Variants in ORC2 observed in about 807,000 individuals in gnomAD.
The protein encoded by ORC2 is origin recognition complex subunit 2, also known as origin recognition complex protein 2 homolog.
A neutral mutation model predicts 77.7 loss-of-function variants in ORC2; 37 were observed. That is an observed-to-expected ratio of 0.48 (90% CI 0.37 to 0.63). ORC2 has a LOEUF of 0.63. Ranked by LOEUF, ORC2 falls within the 20% of genes least tolerant of loss-of-function variation. The pLI, the probability that ORC2 is intolerant of heterozygous loss-of-function variation, is 0.00. For synonymous variants in ORC2, 201 were observed against 229.5 expected, an observed-to-expected ratio of 0.88 and a Z score of 1.12; for missense variants, 557 against 661.9, an observed-to-expected ratio of 0.84 and a Z score of 1.74.
rs76013696 is a variant in ORC2 at position 200,943,816 on chromosome 2, T to A, written c.329-1039A>T. ...ATTCACTAAGTTTTTTTTTTTTTTTTAATCTTCCCTTGATATTAATTCCTC... is the reference window on the plus strand; with the variant it reads ...ATTCACTAAGTTTTTTTTTTTTTTTAAATCTTCCCTTGATATTAATTCCTC... On this transcript the variant is annotated intron_variant, in intron 5 of 17. Coordinates refer to ENST00000234296, the MANE Select transcript of ORC2 (RefSeq NM_006190.5). Among the ~76,000 whole-genome samples the A allele has an allele frequency of 9.3e-4, 141 of 150,934 alleles. 1 individual carries two copies. Among genetic ancestry groups the A allele is most frequent in the Admixed American group, 6.6e-4 (10 of 15,222 alleles).
chr2:200,949,694 A>AC, intron 4 of ORC2, 51 bp from the exon 5 acceptor site: 1 of 1,119,078 alleles, frequency 8.9e-7, no homozygotes, highest in African/African-American at 1.6e-5. Context: ...CAAAATTAAC[A>AC]GAAAAAAATT....
chr2:200,931,669 T>G (rs575192415), intron 10 of ORC2, among the ~76,000 whole-genome samples: 1 of 152,328 alleles, frequency 6.6e-6, no homozygotes, highest in South Asian at 2.1e-4. Flanking sequence ...GTAATAACAG[T>G]AAAGAATTTG....
rs546412683 is a variant in ORC2, at chr2:200,949,117, T to C, written c.328+437A>G. On this transcript the variant is annotated intron_variant, in intron 5 of 17. Transcript: ENST00000234296. ...TTAGCCGGGTGTGGTGGAGCACACC[T>C]GTAGTCTCAGCTACTCAGGAGGCTG... is the stretch of plus-strand genomic sequence containing the variant. Among the ~76,000 whole-genome samples the C allele has an allele frequency of 1.5e-4, 23 of 151,986 alleles. 1 individual carries two copies. The highest frequency in any genetic ancestry group is 5.3e-4 in the African/African-American group (22 of 41,478).
At chr2:200,914,059 T>A in intron 15 of ORC2, 67 bp from the exon 16 acceptor site, 2 of 959,496 alleles carry the variant, frequency 2.1e-6, no homozygotes, top group African/African-American at 1.7e-5. Context: ...CAACTAATAG[T>A]AAAATACACA....
At chr2:200,937,530 A>G (rs971814415) in intron 8 of ORC2, among the ~76,000 whole-genome samples, 2 of 152,190 alleles carry the variant, frequency 1.3e-5, no homozygotes, top group Non-Finnish European at 2.9e-5. Flanking sequence ...TCAAAGTTCA[A>G]TATTCAAAAA....
rs943187584 is a variant in ORC2, at chr2:200,946,316, C to T, written c.328+3238G>A. Among the ~76,000 whole-genome samples the T allele has an allele frequency of 2.0e-5, 3 of 152,126 alleles. No individual in the cohort carries two copies. In the South Asian group the frequency reaches 6.2e-4, roughly 32 times the overall value. On this transcript the variant is annotated intron_variant, in intron 5 of 17. Transcript: ENST00000234296. ...AAATCATCATTTATACTCAGAATAA[C>T]ATATGATTTTCTGGCAGATCATGTT...
chr2:200,935,901 G>A lies in ORC2; in HGVS notation c.515-9C>T. On this transcript the variant is annotated splice_polypyrimidine_tract_variant and intron_variant, in intron 8 of 17. Transcript: ENST00000234296. ...AGAATGAGACCTTGGAACTGTGGGG[G>A]GAAAAATAGCAATTTGGACAATTTC... 6.2e-7 allele frequency: 1 copy of A among 1,607,064 alleles called. No homozygotes were observed. Among genetic ancestry groups the A allele is most frequent in the Non-Finnish European group, 8.5e-7 (1 of 1,177,136 alleles).
chr2:200,940,954 A>G (rs896590890), intron 7 of ORC2, among the ~76,000 whole-genome samples: 2 of 152,128 alleles, frequency 1.3e-5, no homozygotes, highest in South Asian at 2.1e-4. Flanking sequence ...GCAAAACCCC[A>G]AACATTTTCA....
At chr2:200,943,456 A>G (rs1465703103) in intron 5 of ORC2, among the ~76,000 whole-genome samples, 1 of 152,160 alleles carries the variant, frequency 6.6e-6, no homozygotes, top group Non-Finnish European at 1.5e-5. Flanking sequence ...TGTTATCTTT[A>G]ATGATGCTCT....
At position 200,958,012 on chromosome 2, in the gene ORC2, T is replaced by C; in HGVS notation, c.94+18A>G. The C allele has an allele frequency of 7.0e-7, 1 of 1,425,712 alleles. No homozygotes were observed. The highest frequency in any genetic ancestry group is 1.2e-5 in the South Asian group (1 of 84,852). The allele number at this position is 1,425,712 out of a possible 1,614,324, so 88.3% of individuals were successfully genotyped here. On this transcript the variant is annotated intron_variant, in intron 3 of 17. Coordinates refer to ENST00000234296, the MANE Select transcript of ORC2 (RefSeq NM_006190.5). ...CATTATAATAAGCATCTCTTCAAAT[T>C]GTACAATCACTTAATACCTCCTTCT...
intron 15 of ORC2, among the ~76,000 whole-genome samples, chr2:200,915,119 G>A (rs1196273997): frequency 1.4e-5 from 2 of 146,094 alleles, no homozygotes; most frequent in Admixed American, 7.0e-5. Context: ...GGGTTCAAGC[G>A]ATTCTCCTGC....
chr2:200,927,284 A>G (rs1226175760), intron 11 of ORC2, among the ~76,000 whole-genome samples: 6 of 151,978 alleles, frequency 3.9e-5, no homozygotes, highest in African/African-American at 1.4e-4. Context: ...AGCTTTTGCC[A>G]TGTTGCCCAG....
chr2:200,959,641 T>A (rs2041533442), intron 1 of ORC2, among the ~76,000 whole-genome samples: 2 of 152,190 alleles, frequency 1.3e-5, no homozygotes, highest in African/African-American at 2.4e-5. Context: ...ACTGAGAACA[T>A]CTGGATGGAG....
intron 2 of ORC2, among the ~76,000 whole-genome samples, chr2:200,959,183 A>G (rs978916078): frequency 2.0e-5 from 3 of 152,034 alleles, no homozygotes; most frequent in African/African-American, 7.2e-5. Flanking sequence ...GAGCCTCACT[A>G]TGTTGCCCAG....
chr2:200,957,602 C>T, intron 3 of ORC2, 58 bp from the exon 4 acceptor site: 1 of 1,203,340 alleles, frequency 8.3e-7, no homozygotes, highest in Non-Finnish European at 1.1e-6. Context: ...CTAAACATTA[C>T]ATTTAAATAA....
At chr2:200,944,511 C>A (rs1166444566) in intron 5 of ORC2, among the ~76,000 whole-genome samples, 2 of 152,010 alleles carry the variant, frequency 1.3e-5, no homozygotes, top group Non-Finnish European at 2.9e-5. Context: ...GATAGGCAGA[C>A]ATTCCAACAC....
At chr2:200,913,504 C>T (rs748632476) in intron 16 of ORC2, 91 bp from the exon 17 acceptor site, 32 of 1,430,840 alleles carry the variant, frequency 2.2e-5, no homozygotes, top group Non-Finnish European at 2.9e-5. Flanking sequence ...AATAAAAGTG[C>T]TATTTGCATG....
chr2:200,913,582 GAAC>G (rs2040588399), intron 16 of ORC2, 169 bp from the exon 17 acceptor site: 1 of 1,299,876 alleles, frequency 7.7e-7, no homozygotes, highest in Non-Finnish European at 9.8e-7. Context: ...CATGAGAGCA[GAAC>G]AATTATTAAA....
At chr2:200,946,990 C>T (rs2041261700) in intron 5 of ORC2, among the ~76,000 whole-genome samples, 1 of 152,034 alleles carries the variant, frequency 6.6e-6, no homozygotes, top group Non-Finnish European at 1.5e-5. Context: ...GCAACCTCCA[C>T]GTTCTGGGTT....
Sources: allele counts gnomAD v4.1 joint callset (sites outside exome capture counted in the v4.1 genomes callset), GRCh38; gene constraint gnomAD v4.1.1; transcripts MANE v1.5; gene names NCBI Gene and HGNC (gene_info 2026-07-23, HGNC 2026-07-21).